Variants in OBI1 observed in about 807,000 individuals in gnomAD.
The protein encoded by OBI1 is ORC ubiquitin ligase 1, also known as ring finger protein 219.
In OBI1, 59 loss-of-function variants were observed where a neutral mutation model predicts 62.4. The ratio of observed to expected loss-of-function variants is 0.95; its 90% CI spans 0.77 to 1.17. OBI1 has a LOEUF of 1.17. Among genes scored for constraint, OBI1 ranks in the 50% most tolerant of loss-of-function variants. The pLI is 0.00. For synonymous variants in OBI1, 302 were observed against 292.8 expected (o/e 1.03, Z -0.32); for missense variants, 875 against 830.9 (o/e 1.05, Z -0.65).
In OBI1 at chr13:78,639,001, A is replaced by T; in HGVS notation, c.371T>A (p.Ile124Asn). Residue 124 changes from isoleucine (I) to asparagine (N), a missense_variant, in exon 4 of 6, where the codon ATC becomes AAC. Physicochemically the swap from Ile to Asn is moderately radical, Grantham distance 149 (BLOSUM62 -3). Coordinates refer to ENST00000282003, the MANE Select transcript of OBI1 (RefSeq NM_024546.4). ...GGTTAAAGGATCCAGAATAGTTTTG[A>T]TCTGTGACTCCAAGCTGAGATTTTT... is the stretch of plus-strand genomic sequence containing the variant. ...KSKNLSLESQ[I>N]KTILDPLTLV... The T allele has an allele frequency of 6.2e-7, 1 of 1,613,880 alleles. No individual in the cohort carries two copies. Among genetic ancestry groups the T allele is most frequent in the Non-Finnish European group, 8.5e-7 (1 of 1,179,890 alleles).
At chr13:78,625,820 T>C (rs1235271094) in intron 5 of OBI1, among the ~76,000 whole-genome samples, 1 of 152,164 alleles carries the variant, frequency 6.6e-6, no homozygotes, top group Non-Finnish European at 1.5e-5. Flanking sequence ...AATCAGTCAT[T>C]GGATCAGGCT....
Position 78,615,887 on chromosome 13 carries a change from T to C in OBI1, c.1874A>G (p.Asp625Gly). 6.2e-7 allele frequency: 1 copy of C among 1,614,038 alleles called. No homozygotes were observed. Among genetic ancestry groups the C allele is most frequent in the Non-Finnish European group, 8.5e-7 (1 of 1,179,984 alleles). Residue 625 changes from aspartate to glycine, a missense_variant, in exon 6 of 6, where the codon GAT becomes GGT. Asp to Gly is a moderately conservative substitution (Grantham distance 94). Transcript: ENST00000282003. ...ACAAGAACTGGAATGGAGTGAAAAA[T>C]CTTCATTCATTTCTTGGTCAGATGG... ...LSPSDQEMNE[D>G]FSLHSSSCPV...
At position 78,638,832 on chromosome 13, in the gene OBI1, C is replaced by G; in HGVS notation, c.540G>C (p.Lys180Asn). 1 of 1,612,468 alleles carries G rather than the reference C, an allele frequency of 6.2e-7. No individual in the cohort carries two copies. Among genetic ancestry groups the G allele is most frequent in the Non-Finnish European group, 8.5e-7 (1 of 1,179,616 alleles). Residue 180 changes from lysine (K) to asparagine (N), a missense_variant, in exon 4 of 6, where the codon AAG becomes AAC. Coordinates refer to ENST00000282003, the MANE Select transcript of OBI1 (RefSeq NM_024546.4). ...IYEKVKDDVD[K>N]LKEANKKLKL... ...AAAAACCACAACTTACCTCCTTTAG[C>G]TTATCCACATCATCTTTCACTTTTT... is the stretch of plus-strand genomic sequence containing the variant.
At chr13:78,647,673 A>G (rs866967406) in intron 1 of OBI1, among the ~76,000 whole-genome samples, 2 of 152,230 alleles carry the variant, frequency 1.3e-5, no homozygotes, top group African/African-American at 4.8e-5. Flanking sequence ...GCTGAGCACC[A>G]GTCTCCTGGG....
chr13:78,623,220 C>A (rs1193894797), intron 5 of OBI1, among the ~76,000 whole-genome samples: 2 of 149,390 alleles, frequency 1.3e-5, no homozygotes, highest in African/African-American at 5.0e-5. Context: ...CCTAGTCACA[C>A]GCGTTGGTTC....
intron 1 of OBI1, among the ~76,000 whole-genome samples, chr13:78,657,605 A>G (rs1876750400): frequency 6.6e-6 from 1 of 152,256 alleles, no homozygotes; most frequent in African/African-American, 2.4e-5. Flanking sequence ...CTCGTTAAAT[A>G]CAAAAAGTAT....
chr13:78,626,774 C>T (rs968746626), intron 5 of OBI1, among the ~76,000 whole-genome samples: 2 of 152,028 alleles, frequency 1.3e-5, no homozygotes, highest in South Asian at 2.1e-4. Flanking sequence ...TATACTAGAC[C>T]AAGAATATTG....
intron 5 of OBI1, among the ~76,000 whole-genome samples, chr13:78,625,411 G>A (rs11843166): frequency 0.01 from 1,570 of 152,028 alleles, 30 homozygotes; most frequent in African/African-American, 0.035. Flanking sequence ...AAAAGAAAAC[G>A]AAACACAACA....
intron 1 of OBI1, among the ~76,000 whole-genome samples, 195 bp downstream of exon 1, chr13:78,658,854 C>T (rs963035935): frequency 2.0e-5 from 3 of 152,164 alleles, no homozygotes; most frequent in South Asian, 2.1e-4. Context: ...CCGAAAGGCG[C>T]CCAGATGAAT....
At chr13:78,636,824 G>A (rs772625180) in intron 4 of OBI1, among the ~76,000 whole-genome samples, 1 of 152,184 alleles carries the variant, frequency 6.6e-6, no homozygotes, top group Non-Finnish European at 1.5e-5. Flanking sequence ...GCTTTTTGAT[G>A]ATGATGACAA....
chr13:78,618,408 A>G (rs886672692), intron 5 of OBI1, among the ~76,000 whole-genome samples: 4 of 151,408 alleles, frequency 2.6e-5, no homozygotes, highest in Non-Finnish European at 4.4e-5. Context: ...AAAAAACTAC[A>G]AAAAAAGCAG....
chr13:78,628,608 G>A (rs1287031358), intron 5 of OBI1, among the ~76,000 whole-genome samples: 1 of 152,230 alleles, frequency 6.6e-6, no homozygotes, highest in Non-Finnish European at 1.5e-5. Flanking sequence ...GGTGGCAGAT[G>A]CAGACTAGCC....
At chr13:78,640,369 ATTAT>A (rs747610795) in intron 3 of OBI1, among the ~76,000 whole-genome samples, 2 of 152,164 alleles carry the variant, frequency 1.3e-5, no homozygotes, top group Non-Finnish European at 2.9e-5. Flanking sequence ...TCATCTCTAG[ATTAT>A]TTATAATAAC....
In OBI1 at chr13:78,615,511, A is replaced by G; in HGVS notation, c.*69T>C. On this transcript the variant is annotated 3_prime_UTR_variant, in exon 6 of 6. Transcript: ENST00000282003. The stretch of plus-strand genomic sequence containing the variant: ...AATTTGTATAGAACTTTTATGAGGA[A>G]AAAAGGTAACTTTAACAACTTTTCT... 1 of 1,196,694 alleles carries G rather than the reference A, an allele frequency of 8.4e-7. No individual in the cohort carries two copies. The highest frequency in any genetic ancestry group is 1.2e-6 in the Non-Finnish European group (1 of 847,416). The allele number at this position is 1,196,694 out of a possible 1,614,324, so 74.1% of individuals were successfully genotyped here.
Position 78,616,326 on chromosome 13 carries a change from C to T in OBI1, c.1435G>A (p.Asp479Asn), listed in dbSNP as rs74097359. 605 of 1,614,114 alleles carry T rather than the reference C, an allele frequency of 3.7e-4. 1 individual carries two copies. In the African/African-American group the frequency reaches 7.6e-3, roughly 20 times the overall value. The change falls in exon 6 of 6, where the codon GAT becomes AAT. Residue 479 changes from aspartate (D) to asparagine (N), a missense_variant. Asp to Asn is a conservative substitution (Grantham distance 23, BLOSUM62 1). Coordinates refer to ENST00000282003, the MANE Select transcript of OBI1 (RefSeq NM_024546.4). ...GTGTTCCCCTCTGAACTTTCAAAAT[C>T]TAAGTTTTGGGCATAGCTTGTGGAA... ...CCSTSYAQNL[D>N]FESSEGNTIA...
chr13:78,659,108 C>G lies in OBI1; in HGVS notation c.13G>C (p.Val5Leu). The G allele has an allele frequency of 1.2e-6, 2 of 1,611,628 alleles. No individual in the cohort carries two copies. Among genetic ancestry groups the G allele is most frequent in the Non-Finnish European group, 8.5e-7 (1 of 1,179,236 alleles). The change falls in exon 1 of 6, where the codon GTG (valine) becomes CTG (leucine). Residue 5 changes from valine (V) to leucine (L), a missense_variant. Coordinates refer to ENST00000282003, the MANE Select transcript of OBI1 (RefSeq NM_024546.4). MAQT[V>L]QNVTLSLTLP... ...GTGAGCGACAATGTAACATTCTGCA[C>G]GGTCTGAGCCATGGCAGCGTTCAGA...
chr13:78,638,734 T>C, intron 4 of OBI1, 89 bp downstream of exon 4: 1 of 1,159,296 alleles, frequency 8.6e-7, no homozygotes, highest in East Asian at 2.4e-5. Context: ...AATCATCTGA[T>C]GATGAGTCAA....
chr13:78,615,893 T>C lies in OBI1; in HGVS notation c.1868A>G (p.Asn623Ser). The change falls in exon 6 of 6, where the codon AAT becomes AGT. Residue 623 changes from asparagine to serine, a missense_variant. Asn to Ser is a conservative substitution (Grantham distance 46, BLOSUM62 1). Transcript: ENST00000282003. ...ACTGGAATGGAGTGAAAAATCTTCA[T>C]TCATTTCTTGGTCAGATGGAGAGAG... ...FLLSPSDQEM[N>S]EDFSLHSSSC... 3 of 1,614,136 alleles carry C rather than the reference T, an allele frequency of 1.9e-6. No homozygotes were observed. The highest frequency in any genetic ancestry group is 2.5e-6 in the Non-Finnish European group (3 of 1,180,010).
chr13:78,626,261 C>T (rs1358272681), intron 5 of OBI1, among the ~76,000 whole-genome samples: 1 of 152,142 alleles, frequency 6.6e-6, no homozygotes, highest in Admixed American at 6.5e-5. Context: ...TTTCTTACAT[C>T]CTTTGTACTT....
Sources: gnomAD v4.1 joint callset for allele counts (sites outside exome capture counted in the v4.1 genomes callset) on GRCh38, gnomAD v4.1.1 for gene constraint, MANE v1.5 for transcripts, NCBI Gene and HGNC (gene_info 2026-07-23, HGNC 2026-07-21) for gene names.